Variants in CAST observed in about 807,000 individuals in gnomAD.
CAST encodes the protein MIR583 host.
In CAST, 76 loss-of-function variants were observed where a neutral mutation model predicts 119.6. The observed-to-expected ratio is 0.64, with a 90% CI of 0.53 to 0.77. The LOEUF is 0.77. Among genes scored for constraint, CAST ranks in the 30% least tolerant of loss-of-function variants. The probability of loss-of-function intolerance (pLI) is 0.00; values close to 1 mark genes in which losing one functional copy is unlikely to be tolerated. For synonymous variants in CAST, 319 were observed against 331.6 expected, an observed-to-expected ratio of 0.96 and a Z score of 0.41; for missense variants, 953 against 946.5, an observed-to-expected ratio of 1.01 and a Z score of -0.09.
the CAST span, among the ~76,000 whole-genome samples, chr5:96,274,440 A>G: frequency 1.3e-5 from 2 of 152,306 alleles, no homozygotes; most frequent in East Asian, 1.9e-4. Context: ...AATTCTGTCC[A>G]AAATTTTACC....
At chr5:96,643,203 T>C (rs1223080116) in intron 1 of CAST, among the ~76,000 whole-genome samples, 1 of 152,238 alleles carries the variant, frequency 6.6e-6, no homozygotes, top group African/African-American at 2.4e-5. Flanking sequence ...TATTTCAAAA[T>C]GATATAATAT....
At chr5:96,690,293 G>A (rs1293842352) in intron 2 of CAST, among the ~76,000 whole-genome samples, 2 of 151,986 alleles carry the variant, frequency 1.3e-5, no homozygotes, top group Non-Finnish European at 2.9e-5. Context: ...ATGCAATGGT[G>A]TGATCTTGGC....
the CAST span, among the ~76,000 whole-genome samples, chr5:96,220,370 ATAAT>A: frequency 6.6e-6 from 1 of 152,194 alleles, no homozygotes; most frequent in Non-Finnish European, 1.5e-5. Flanking sequence ...GGACTTACCT[ATAAT>A]TAATTGAGCT....
At chr5:96,029,126 T>C in the CAST span, among the ~76,000 whole-genome samples, 1 of 152,138 alleles carries the variant, frequency 6.6e-6, no homozygotes, top group Non-Finnish European at 1.5e-5. Context: ...TAAAATTTGA[T>C]CTAATGAATA....
chr5:96,139,202 CTTAT>C, the CAST span, among the ~76,000 whole-genome samples: 2 of 151,742 alleles, frequency 1.3e-5, no homozygotes, highest in Admixed American at 1.3e-4. Flanking sequence ...ACATTTTATG[CTTAT>C]TTAGTTTAAT....
the CAST span, among the ~76,000 whole-genome samples, chr5:96,103,454 G>T: frequency 6.0e-5 from 9 of 149,606 alleles, no homozygotes; most frequent in Non-Finnish European, 8.9e-5. Flanking sequence ...GTGGTGTTTG[G>T]TTTTTTTGTT....
chr5:96,652,574 G>GT (rs1290425195), intron 1 of CAST, among the ~76,000 whole-genome samples: 2 of 152,182 alleles, frequency 1.3e-5, no homozygotes, highest in Non-Finnish European at 1.5e-5. Flanking sequence ...TGACTCCTCT[G>GT]TGAAGCCTCC....
At chr5:96,207,663 G>C in the CAST span, among the ~76,000 whole-genome samples, 1 of 151,988 alleles carries the variant, frequency 6.6e-6, no homozygotes, top group African/African-American at 2.4e-5. Context: ...GATGGCAGTG[G>C]GTTAGCTTTT....
chr5:96,021,194 G>A, the CAST span, among the ~76,000 whole-genome samples: 2 of 152,146 alleles, frequency 1.3e-5, no homozygotes, highest in Non-Finnish European at 1.5e-5. Context: ...AGAAACTCTA[G>A]CATCATAGGA....
intron 1 of CAST, among the ~76,000 whole-genome samples, chr5:96,629,952 C>T (rs946577722): frequency 6.6e-5 from 10 of 152,176 alleles, no homozygotes; most frequent in African/African-American, 1.9e-4. Context: ...GCCTGCAGTA[C>T]GGTGGACTAG....
intron 1 of CAST, among the ~76,000 whole-genome samples, chr5:96,624,062 A>G (rs1747669640): frequency 6.6e-6 from 1 of 152,232 alleles, no homozygotes; most frequent in Non-Finnish European, 1.5e-5. Context: ...AGTAGCACTC[A>G]AAGTGTTCTG....
chr5:96,059,532 T>C, the CAST span, among the ~76,000 whole-genome samples: 1 of 152,088 alleles, frequency 6.6e-6, no homozygotes, highest in East Asian at 1.9e-4. Flanking sequence ...ATTTTAAGGG[T>C]TGTTAGATAC....
At chr5:96,550,786 C>T (rs750595394) in intron 1 of CAST, among the ~76,000 whole-genome samples, 6 of 152,028 alleles carry the variant, frequency 3.9e-5, no homozygotes, top group Non-Finnish European at 7.4e-5. Context: ...GCTTCAATAG[C>T]CTATTCAATC....
chr5:96,034,135 G>A, the CAST span, among the ~76,000 whole-genome samples: 3 of 151,786 alleles, frequency 2.0e-5, no homozygotes, highest in Non-Finnish European at 4.4e-5. Context: ...AAAAATAAGT[G>A]GGCAAAGTAC....
the CAST span, among the ~76,000 whole-genome samples, chr5:96,171,765 G>A: frequency 6.6e-6 from 1 of 152,180 alleles, no homozygotes; most frequent in Non-Finnish European, 1.5e-5. Context: ...TAGAAAGAGA[G>A]GTTGGAGAAG....
At chr5:96,718,935 G>A (rs1184284912) in intron 3 of CAST, among the ~76,000 whole-genome samples, 1 of 152,124 alleles carries the variant, frequency 6.6e-6, no homozygotes, top group African/African-American at 2.4e-5. Context: ...AGCCAGCTGC[G>A]GTCAAGGGGA....
chr5:95,968,040 C>T, the CAST span, among the ~76,000 whole-genome samples: 2 of 152,142 alleles, frequency 1.3e-5, no homozygotes, highest in African/African-American at 4.8e-5. Context: ...TTTTCCAAAT[C>T]TCGCATATCT....
At chr5:96,662,179 C>A, upstream of CAST, 1 of 427,528 alleles carries the variant, frequency 2.3e-6, no homozygotes. Context: ...AGGACCGGGG[C>A]GGAGGGTGTT....
intron 1 of CAST, among the ~76,000 whole-genome samples, chr5:96,625,429 A>G (rs1747703712): frequency 6.6e-6 from 1 of 152,222 alleles, no homozygotes; most frequent in Admixed American, 6.5e-5. Context: ...ACCTGAAACT[A>G]GCAGCGAAAT....
Sources: gnomAD v4.1 joint callset for allele counts (sites outside exome capture counted in the v4.1 genomes callset) on GRCh38, gnomAD v4.1.1 for gene constraint, MANE v1.5 for transcripts, NCBI Gene and HGNC (gene_info 2026-07-23, HGNC 2026-07-21) for gene names.